PHF21A: variants seen among roughly 807,000 people sequenced by gnomAD.
PHF21A encodes the protein PHD finger protein 21A, also known as BHC80a.
PHF21A carries 11 observed loss-of-function variants against 82.5 expected under a neutral mutation model. That is an observed-to-expected ratio of 0.13 (90% confidence interval 0.08 to 0.22). The LOEUF is 0.22. PHF21A is among the 10% of genes least tolerant of loss of function. PHF21A has a pLI of 1.00. For missense variants in PHF21A, 579 were observed against 837.8 expected, an observed-to-expected ratio of 0.69 and a Z score of 3.81; for synonymous variants, 297 against 302.8, an observed-to-expected ratio of 0.98 and a Z score of 0.20.
intron 7 of PHF21A, among the ~76,000 whole-genome samples, chr11:45,973,548 GA>G (rs2093880103): frequency 2.6e-5 from 4 of 152,282 alleles, no homozygotes; most frequent in Admixed American, 2.0e-4. Context: ...AGTAAACGCG[GA>G]ACACTGATAT....
intron 6 of PHF21A, among the ~76,000 whole-genome samples, chr11:46,005,122 C>T (rs1325364318): frequency 6.6e-6 from 1 of 152,120 alleles, no homozygotes; most frequent in African/African-American, 2.4e-5. Flanking sequence ...CAACCGCAGT[C>T]CAAAAATTCA....
chr11:46,100,099 G>A (rs190436739), intron 1 of PHF21A, among the ~76,000 whole-genome samples: 1 of 152,296 alleles, frequency 6.6e-6, no homozygotes, highest in East Asian at 1.9e-4. Context: ...AGAAACAGGA[G>A]TCTGAAACAT....
intron 9 of PHF21A, among the ~76,000 whole-genome samples, chr11:45,969,472 G>T (rs2093636651): frequency 6.6e-6 from 1 of 152,182 alleles, no homozygotes; most frequent in Non-Finnish European, 1.5e-5. Context: ...TTTTTGGCAT[G>T]TAGGAAAGAA....
intron 6 of PHF21A, among the ~76,000 whole-genome samples, chr11:46,021,192 T>G (rs1241926828): frequency 6.6e-6 from 1 of 151,980 alleles, no homozygotes; most frequent in Admixed American, 6.6e-5. Flanking sequence ...CCAGAGCAGC[T>G]GGAACTACAG....
Position 45,938,216 on chromosome 11 carries a change from C to T in PHF21A, c.1549G>A (p.Asp517Asn). Residue 517 changes from aspartate to asparagine, a missense_variant, in exon 16 of 19, where the codon GAC becomes AAC. Physicochemically the swap from Asp to Asn is conservative, Grantham distance 23 (BLOSUM62 1). Around this residue, in one of 3 missense-constraint regions of PHF21A, gnomAD observed 410 missense variants for 642.1 expected, o/e 0.64. Transcript: ENST00000676320. ...CSRVYHLDCL[D>N]PPLKTIPKGM... ...TTGGGAATTGTTTTCAGAGGGGGGT[C>T]TAAGCAGTCCAAATGATATACACGG... 6.2e-7 allele frequency: 1 copy of T among 1,609,240 alleles called. No individual in the cohort carries two copies. The highest frequency in any genetic ancestry group is 2.2e-5 in the East Asian group (1 of 44,728).
intron 6 of PHF21A, chr11:46,049,347 T>C (rs984612923): frequency 1.2e-5 from 5 of 431,378 alleles, no homozygotes; most frequent in African/African-American, 6.2e-5. Context: ...AAATTTCTTA[T>C]GCCCTCACCA....
chr11:46,084,549 A>T (rs1467815986), intron 3 of PHF21A, among the ~76,000 whole-genome samples: 1 of 152,198 alleles, frequency 6.6e-6, no homozygotes, highest in Non-Finnish European at 1.5e-5. Context: ...CACCCACTAC[A>T]TGCTCAGCAC....
chr11:45,984,233 TATC>T (rs1179430427), intron 6 of PHF21A, among the ~76,000 whole-genome samples: 1 of 152,094 alleles, frequency 6.6e-6, no homozygotes, highest in African/African-American at 2.4e-5. Flanking sequence ...ATTAATAACT[TATC>T]ATCTTTTCTT....
At chr11:45,989,428 G>A (rs2094600963) in intron 6 of PHF21A, among the ~76,000 whole-genome samples, 1 of 147,728 alleles carries the variant, frequency 6.8e-6, no homozygotes, top group Admixed American at 6.9e-5. Context: ...GCCGAAGTGG[G>A]CAGATCACAA....
intron 8 of PHF21A, chr11:45,970,631 T>C (rs1411913226): frequency 6.5e-6 from 1 of 152,914 alleles, no homozygotes; most frequent in Non-Finnish European, 1.5e-5. Context: ...GGTTAATTTG[T>C]GAGTTTCTTG....
intron 6 of PHF21A, among the ~76,000 whole-genome samples, chr11:46,007,621 A>G (rs1008951908): frequency 6.6e-6 from 1 of 152,088 alleles, no homozygotes; most frequent in Non-Finnish European, 1.5e-5. Context: ...GGCCCCATCT[A>G]TCTTTTATGA....
Position 45,937,953 on chromosome 11 carries a change from T to C in PHF21A, c.1608+204A>G, listed in dbSNP as rs189758386. Among the ~76,000 whole-genome samples, 54 of 152,294 alleles carry C rather than the reference T, an allele frequency of 3.5e-4. No individual in the cohort carries two copies. In the Middle Eastern group the frequency reaches 0.014, roughly 38 times the overall value. On this transcript the variant is annotated intron_variant, in intron 16 of 18. Coordinates refer to ENST00000676320, the MANE Select transcript of PHF21A (RefSeq NM_001352027.3). Reference sequence around the variant, plus strand: ...AAGTCATTTCAAATACAAGGAAGCATCTATCCAGCTCAGTAATATGGCAGA... The same window carrying C: ...AAGTCATTTCAAATACAAGGAAGCACCTATCCAGCTCAGTAATATGGCAGA...
intron 1 of PHF21A, among the ~76,000 whole-genome samples, chr11:46,115,527 T>TA (rs1566077072): frequency 1.3e-5 from 2 of 152,160 alleles, no homozygotes; most frequent in Non-Finnish European, 2.9e-5. Context: ...ATCTCTTTTT[T>TA]AAAAAATCGC....
intron 6 of PHF21A, among the ~76,000 whole-genome samples, chr11:46,066,005 A>T (rs1475974224): frequency 1.3e-5 from 2 of 152,260 alleles, no homozygotes; most frequent in Non-Finnish European, 2.9e-5. Context: ...GTGATTTAAA[A>T]TTTCAAAAGA....
At chr11:45,963,650 C>T (rs898821696) in intron 10 of PHF21A, among the ~76,000 whole-genome samples, 1 of 151,738 alleles carries the variant, frequency 6.6e-6, no homozygotes, top group African/African-American at 2.4e-5. Flanking sequence ...AAAATGAAAC[C>T]AAAACAATTT....
intron 6 of PHF21A, among the ~76,000 whole-genome samples, chr11:46,013,867 A>G (rs1485409825): frequency 2.6e-5 from 4 of 152,230 alleles, no homozygotes; most frequent in African/African-American, 9.6e-5. Flanking sequence ...ACCAGCTTGC[A>G]GGACTGGTAG....
intron 6 of PHF21A, among the ~76,000 whole-genome samples, chr11:45,987,251 A>AATGTACGTATGT (rs2094522884): frequency 6.7e-6 from 1 of 148,446 alleles, no homozygotes; most frequent in Admixed American, 6.8e-5. Context: ...ATCATAAATA[A>AATGTACGTATGT]ATGTATGTAT....
intron 1 of PHF21A, among the ~76,000 whole-genome samples, chr11:46,095,316 T>A (rs1467800244): frequency 6.6e-6 from 1 of 152,220 alleles, no homozygotes; most frequent in African/African-American, 2.4e-5. Context: ...AAATGCAAGT[T>A]TGATTTCTTC....
At position 45,932,642 on chromosome 11, in the gene PHF21A, G is replaced by A. The variant is rs2087771064; in HGVS notation, c.*1326C>T. On this transcript the variant is annotated 3_prime_UTR_variant, in exon 19 of 19. Transcript: ENST00000676320. This position sits in a 1 kb window ranked among gnomAD's most constrained non-coding sequence, Gnocchi z 4.3. Reference sequence around the variant, plus strand: ...CACTTTTGTAATTTTTTTTTACAATGTTTCTTACCTTGATCTTAATTTAAG... The same window carrying A: ...CACTTTTGTAATTTTTTTTTACAATATTTCTTACCTTGATCTTAATTTAAG... 1 of 152,474 alleles carries A rather than the reference G, an allele frequency of 6.6e-6. No individual in the cohort carries two copies. Among genetic ancestry groups the A allele is most frequent in the Non-Finnish European group, 1.5e-5 (1 of 68,004 alleles). 9.4% of individuals were successfully genotyped at this position (152,474 alleles called of 1,614,324 possible).
Sources: allele counts gnomAD v4.1 joint callset (sites outside exome capture counted in the v4.1 genomes callset), GRCh38; gene constraint gnomAD v4.1.1; regional missense constraint gnomAD v4.1.1; non-coding constraint Gnocchi (gnomAD v3.1); transcripts MANE v1.5; gene names NCBI Gene and HGNC (gene_info 2026-07-23, HGNC 2026-07-21).